The following CACNA1B variants were observed in gnomAD, a reference collection of about 807,000 sequenced individuals.
CACNA1B encodes the protein calcium voltage-gated channel subunit alpha1 B, also known as voltage-dependent N-type calcium channel subunit alpha-1B.
A neutral mutation model predicts 247.2 loss-of-function variants in CACNA1B; 70 were observed. That is an observed-to-expected ratio of 0.28 (90% confidence interval 0.23 to 0.35). CACNA1B has a LOEUF of 0.35. Ranked by LOEUF, CACNA1B falls within the 10% of genes least tolerant of loss-of-function variation. CACNA1B has a pLI of 1.00. For synonymous variants in CACNA1B, 1,231 were observed against 1,294.4 expected (o/e 0.95, Z 1.05); for missense variants, 2,367 against 3,197.4 (o/e 0.74, Z 6.26).
intron 6 of CACNA1B, among the ~76,000 whole-genome samples, chr9:137,937,443 A>G (rs571493250): frequency 6.6e-6 from 1 of 152,306 alleles, no homozygotes; most frequent in South Asian, 2.1e-4. Context: ...GGATTATGTT[A>G]AACGACCAAA....
Position 138,059,511 on chromosome 9 carries a change from G to A in CACNA1B, c.4585-143G>A, listed in dbSNP as rs1959640827. ...CTGCTTACCTCTGGCCTTGTGCTGT[G>A]CCCCCTGGGGTGGCCTGTCTGCCCT... On this transcript the variant is annotated intron_variant, in intron 30 of 46. Transcript: ENST00000371372. The surrounding 1 kb of genome is among the most constrained non-coding windows in gnomAD (Gnocchi z 4.2). 1 of 653,248 alleles carries A rather than the reference G, an allele frequency of 1.5e-6. No homozygotes were observed. Among genetic ancestry groups the A allele is most frequent in the Non-Finnish European group, 2.7e-6 (1 of 364,020 alleles). 40.5% of individuals were successfully genotyped at this position (653,248 alleles called of 1,614,324 possible).
intron 3 of CACNA1B, among the ~76,000 whole-genome samples, chr9:137,902,454 G>A (rs957692637): frequency 1.3e-5 from 2 of 152,092 alleles, no homozygotes; most frequent in African/African-American, 2.4e-5. Flanking sequence ...ACTTGTGTTG[G>A]TATTTAATAC....
chr9:138,123,586 G>A lies in CACNA1B; in HGVS notation c.*1587G>A, dbSNP rs200522483. 1 of 150,570 alleles carries A rather than the reference G, an allele frequency of 6.6e-6. No individual in the cohort carries two copies. Among genetic ancestry groups the A allele is most frequent in the African/African-American group, 2.5e-5 (1 of 40,024 alleles). The allele number at this position is 150,570 out of a possible 1,614,324, so 9.3% of individuals were successfully genotyped here. A position where few individuals can be genotyped will look rare whatever the true frequency, so the allele number is the denominator to read the frequency against. ...TGTGTGTGTGTGTGTGTGTGTGTGT[G>A]TGTCTGTGTCACAGGAGATGCAGTG... On this transcript the variant is annotated 3_prime_UTR_variant, in exon 47 of 47. Transcript: ENST00000371372.
intron 36 of CACNA1B, among the ~76,000 whole-genome samples, chr9:138,090,637 G>GA (rs1960842877): frequency 2.4e-5 from 3 of 123,314 alleles, no homozygotes; most frequent in Admixed American, 1.0e-4. Context: ...AGAAAATATT[G>GA]CAAACTATTT....
chr9:138,012,726 A>AC lies in CACNA1B; in HGVS notation c.2161-403_2161-402insC. Among the ~76,000 whole-genome samples the AC allele has an allele frequency of 6.6e-6, 1 of 151,932 alleles. No individual in the cohort carries two copies. The highest frequency in any genetic ancestry group is 1.9e-4 in the East Asian group (1 of 5,184). Reference sequence around the variant, plus strand: ...GAGACCCTGTCTCTAAAAAAAAAAAAAACAAATAACAAAAAACAAAACAAA... The same window carrying AC: ...GAGACCCTGTCTCTAAAAAAAAAAAACAACAAATAACAAAAAACAAAACAAA... On this transcript the variant is annotated intron_variant, in intron 17 of 46. Transcript: ENST00000371372. This position sits in a 1 kb window ranked among gnomAD's most constrained non-coding sequence, Gnocchi z 4.2.
chr9:138,053,869 C>A lies in CACNA1B; in HGVS notation c.3831C>A (p.Asn1277Lys). Residue 1277 changes from asparagine to lysine, a missense_variant, in exon 26 of 47, where the codon AAC (asparagine) becomes AAA (lysine). Asn to Lys is a moderately conservative substitution (Grantham distance 94). Coordinates refer to ENST00000371372, the MANE Select transcript of CACNA1B (RefSeq NM_000718.4). The stretch of plus-strand genomic sequence containing the variant: ...AGGCTGTGTTTGACTGTGTGGTGAA[C>A]TCCCTGAAGAATGTCCTCAACATCT... ...KLKAVFDCVV[N>K]SLKNVLNILI... The A allele has an allele frequency of 6.2e-7, 1 of 1,613,114 alleles. No homozygotes were observed.
intron 34 of CACNA1B, among the ~76,000 whole-genome samples, chr9:138,075,559 CG>C (rs1960286524): frequency 6.6e-6 from 1 of 152,230 alleles, no homozygotes; most frequent in African/African-American, 2.4e-5. Flanking sequence ...AAACTTAGCT[CG>C]GGGCCGTTCT....
chr9:137,915,622 T>TA (rs1957401239), intron 5 of CACNA1B, among the ~76,000 whole-genome samples: 1 of 151,892 alleles, frequency 6.6e-6, no homozygotes, highest in East Asian at 1.9e-4. Context: ...GTTCGTGATT[T>TA]TAAAAAAAAA....
intron 15 of CACNA1B, among the ~76,000 whole-genome samples, chr9:138,004,646 G>A (rs1037917854): frequency 3.9e-5 from 6 of 151,958 alleles, no homozygotes; most frequent in Middle Eastern, 3.4e-3. Context: ...ACCTTCCTGT[G>A]CATGTTTAGC....
At chr9:137,883,892 G>A (rs1376175384) in intron 3 of CACNA1B, among the ~76,000 whole-genome samples, 1 of 151,052 alleles carries the variant, frequency 6.6e-6, no homozygotes, top group Non-Finnish European at 1.5e-5. Context: ...GATGCCTGGT[G>A]CACAGGAGGG....
At chr9:137,941,893 A>C (rs1957736114) in intron 6 of CACNA1B, among the ~76,000 whole-genome samples, 1 of 152,218 alleles carries the variant, frequency 6.6e-6, no homozygotes, top group African/African-American at 2.4e-5. Flanking sequence ...TAACATTGGA[A>C]AAACCCTTGT....
chr9:138,098,323 C>T (rs1275721040), intron 37 of CACNA1B, among the ~76,000 whole-genome samples: 2 of 152,148 alleles, frequency 1.3e-5, no homozygotes, highest in Non-Finnish European at 2.9e-5. Flanking sequence ...AAGACCTAGA[C>T]CTTGTTAGGC....
chr9:138,067,767 TCAG>T (rs1959971137), intron 31 of CACNA1B, among the ~76,000 whole-genome samples: 1 of 152,180 alleles, frequency 6.6e-6, no homozygotes, highest in Admixed American at 6.5e-5. Flanking sequence ...CTGGGAGGGC[TCAG>T]CAGCCCCTCG....
intron 6 of CACNA1B, among the ~76,000 whole-genome samples, chr9:137,939,847 T>TAAATAAATAAAA (rs1224121843): frequency 2.1e-5 from 2 of 95,000 alleles, no homozygotes; most frequent in Admixed American, 9.4e-5. Flanking sequence ...AATAAATAAA[T>TAAATAAATAAAA]AAAAAAAAAT....
intron 39 of CACNA1B, among the ~76,000 whole-genome samples, chr9:138,111,798 C>T (rs1212141416): frequency 6.6e-6 from 1 of 151,640 alleles, no homozygotes; most frequent in Non-Finnish European, 1.5e-5. Context: ...GGCCAGTGTA[C>T]TCGGGGGCTC....
intron 10 of CACNA1B, among the ~76,000 whole-genome samples, chr9:137,959,772 G>C (rs1354857824): frequency 6.6e-6 from 1 of 152,194 alleles, no homozygotes; most frequent in African/African-American, 2.4e-5. Flanking sequence ...CCACGTGCCA[G>C]CAACGGAGGC....
intron 3 of CACNA1B, among the ~76,000 whole-genome samples, chr9:137,908,472 C>A (rs1324039158): frequency 6.6e-6 from 1 of 151,760 alleles, no homozygotes; most frequent in African/African-American, 2.4e-5. Context: ...GCCAAGATCA[C>A]GCCATTGCAT....
chr9:137,935,372 C>T (rs528793604), intron 6 of CACNA1B, among the ~76,000 whole-genome samples: 85 of 152,156 alleles, frequency 5.6e-4, no homozygotes, highest in Non-Finnish European at 1.0e-3. Flanking sequence ...TCTGTCCTTG[C>T]GATAGTTTGC....
intron 45 of CACNA1B, 50 bp downstream of exon 45, chr9:138,120,422 CA>C (rs774675733): frequency 1.3e-6 from 2 of 1,498,632 alleles, no homozygotes; most frequent in Non-Finnish European, 8.9e-7. Context: ...TGGCCCGAGT[CA>C]GGGGGTCCAA....
Sources: gnomAD v4.1 joint callset for allele counts (sites outside exome capture counted in the v4.1 genomes callset) on GRCh38, gnomAD v4.1.1 for gene constraint, Gnocchi (gnomAD v3.1) non-coding constraint, MANE v1.5 for transcripts, NCBI Gene and HGNC (gene_info 2026-07-23, HGNC 2026-07-21) for gene names.